Variants in WDR19 observed in about 807,000 individuals in gnomAD.
The protein encoded by WDR19 is WD repeat-containing protein 19.
A neutral mutation model predicts 180.0 loss-of-function variants in WDR19; 121 were observed. The ratio of observed to expected loss-of-function variants is 0.67; its 90% CI spans 0.58 to 0.78. The LOEUF is 0.78. Ranked by LOEUF, WDR19 falls within the 30% of genes least tolerant of loss-of-function variation. WDR19 has a pLI of 0.00. For synonymous variants in WDR19, 497 were observed against 540.7 expected (o/e 0.92, Z 1.12); for missense variants, 1,450 against 1,640.7 (o/e 0.88, Z 2.01).
Position 39,199,599 on chromosome 4 carries a change from A to C in WDR19, c.522+6A>C. 1.3e-6 allele frequency: 2 copies of C among 1,598,636 alleles called. No homozygotes were observed. The highest frequency in any genetic ancestry group is 2.7e-5 in the African/African-American group (2 of 74,732). ...AAGGTGACACGATAAGACAGGTAAT[A>C]CAGTAACGTCTCTTTGGTCTGATAT... On this transcript the variant is annotated splice_donor_region_variant and intron_variant, in intron 6 of 36. Transcript: ENST00000399820.
chr4:39,255,790 G>A, intron 26 of WDR19, 58 bp from the exon 27 acceptor site: 1 of 869,926 alleles, frequency 1.1e-6, no homozygotes, highest in Non-Finnish European at 1.7e-6. Context: ...TTTCAGGTTA[G>A]CAATAAAAGG....
intron 36 of WDR19, among the ~76,000 whole-genome samples, chr4:39,285,146 G>A (rs2062229): frequency 6.6e-6 from 1 of 151,644 alleles, no homozygotes; most frequent in Non-Finnish European, 1.5e-5. Context: ...GTTCACTGGC[G>A]TTTAGACAAA....
chr4:39,267,037 T>C (rs901320541), intron 29 of WDR19, among the ~76,000 whole-genome samples: 1 of 152,182 alleles, frequency 6.6e-6, no homozygotes, highest in African/African-American at 2.4e-5. Context: ...GAACCGAGAT[T>C]GTGCCACTGC....
chr4:39,270,149 C>T, intron 31 of WDR19, 49 bp downstream of exon 31: 2 of 1,603,890 alleles, frequency 1.2e-6, no homozygotes, highest in Non-Finnish European at 1.7e-6. Context: ...GTGTTTGTCC[C>T]CCATTGAGAT....
At position 39,199,595 on chromosome 4, in the gene WDR19, T is replaced by C; in HGVS notation, c.522+2T>C. 5 of 1,604,500 alleles carry C rather than the reference T, an allele frequency of 3.1e-6. No individual in the cohort carries two copies. The highest frequency in any genetic ancestry group is 4.3e-6 in the Non-Finnish European group (5 of 1,171,770). On this transcript the variant is annotated splice_donor_variant, in intron 6 of 36. Transcript: ENST00000399820. LOFTEE classifies it high-confidence loss of function. The stretch of plus-strand genomic sequence containing the variant: ...CAGGAAGGTGACACGATAAGACAGG[T>C]AATACAGTAACGTCTCTTTGGTCTG...
chr4:39,260,746 G>C (rs567561966), intron 28 of WDR19, among the ~76,000 whole-genome samples: 11 of 152,156 alleles, frequency 7.2e-5, no homozygotes, highest in Non-Finnish European at 1.5e-4. Flanking sequence ...CAGTAATTTG[G>C]TTCCTGATGA....
In WDR19 at chr4:39,186,587, T is replaced by G. The variant is rs187932771; in HGVS notation, c.147T>G (p.Ser49Arg). The change falls in exon 3 of 37, where the codon AGT (serine) becomes AGG (arginine). Residue 49 changes from serine to arginine, a missense_variant. Ser to Arg is a moderately radical substitution (Grantham distance 110). Coordinates refer to ENST00000399820, the MANE Select transcript of WDR19 (RefSeq NM_025132.4). ...TTGATCGCCATGGTCAAAAAAGAAGTGAAATTAACTTACCTGGGTAAGTAC... is the reference window on the plus strand; with the variant it reads ...TTGATCGCCATGGTCAAAAAAGAAGGGAAATTAACTTACCTGGGTAAGTAC... ...KIFDRHGQKR[S>R]EINLPGNCVA... The G allele has an allele frequency of 6.3e-7, 1 of 1,579,742 alleles. No individual in the cohort carries two copies. The highest frequency in any genetic ancestry group is 1.8e-5 in the Admixed American group (1 of 55,252).
intron 4 of WDR19, among the ~76,000 whole-genome samples, chr4:39,191,876 T>C (rs892668959): frequency 6.6e-6 from 1 of 152,216 alleles, no homozygotes; most frequent in South Asian, 2.1e-4. Context: ...TAGCATGATA[T>C]ATTCTTTAAA....
intron 20 of WDR19, among the ~76,000 whole-genome samples, chr4:39,239,773 C>T (rs915272661): frequency 2.0e-5 from 3 of 152,154 alleles, no homozygotes; most frequent in Non-Finnish European, 4.4e-5. Context: ...AAAATAGCAA[C>T]ATAATGACAG....
At chr4:39,235,874 A>G (rs1731324711) in intron 20 of WDR19, among the ~76,000 whole-genome samples, 6 of 152,216 alleles carry the variant, frequency 3.9e-5, no homozygotes. Flanking sequence ...CAACAAAAAT[A>G]TGAAAAAATG....
chr4:39,198,560 C>CA (rs952175243), intron 5 of WDR19, among the ~76,000 whole-genome samples: 28 of 145,042 alleles, frequency 1.9e-4, no homozygotes, highest in Middle Eastern at 4.2e-3. Context: ...GACTCCGTCT[C>CA]AAAAAAAAAG....
chr4:39,228,820 TAAA>T, intron 17 of WDR19, 130 bp downstream of exon 17: 1 of 978,674 alleles, frequency 1.0e-6, no homozygotes, highest in Non-Finnish European at 1.4e-6. Flanking sequence ...TTTTTTTTTG[TAAA>T]TGTAGAAGTA....
chr4:39,265,498 G>A (rs150170515), intron 28 of WDR19, among the ~76,000 whole-genome samples: 24 of 152,074 alleles, frequency 1.6e-4, no homozygotes, highest in African/African-American at 5.5e-4. Flanking sequence ...CAAGGGCCAG[G>A]CACAGTGGCT....
intron 36 of WDR19, among the ~76,000 whole-genome samples, chr4:39,281,704 A>T (rs1736558563): frequency 6.6e-6 from 1 of 152,154 alleles, no homozygotes; most frequent in African/African-American, 2.4e-5. Flanking sequence ...AACAACACAC[A>T]TTTATTATCT....
chr4:39,194,954 C>T (rs1032898905), intron 5 of WDR19, among the ~76,000 whole-genome samples: 7 of 152,112 alleles, frequency 4.6e-5, no homozygotes, highest in East Asian at 3.9e-4. Context: ...TACCTCTGGA[C>T]GAGGAATAGC....
In WDR19 at chr4:39,198,277, G is replaced by T. The variant is rs114680827; in HGVS notation, c.407-1201G>T. 5.5e-3 allele frequency among the ~76,000 whole-genome samples: 840 copies of T among 152,244 alleles called. 13 individuals carry two copies. Among genetic ancestry groups the T allele is most frequent in the African/African-American group, 0.019 (795 of 41,550 alleles). ...AATTTACTTCTCTTAAGACATTAAC[G>T]GCCGGGAGTGGTGGCTCACGCCTGT... On this transcript the variant is annotated intron_variant, in intron 5 of 36. Coordinates refer to ENST00000399820, the MANE Select transcript of WDR19 (RefSeq NM_025132.4).
chr4:39,283,542 T>C (rs769831709), intron 36 of WDR19, among the ~76,000 whole-genome samples: 24 of 152,294 alleles, frequency 1.6e-4, no homozygotes, highest in Admixed American at 2.6e-4. Context: ...GATTCTTCTA[T>C]TGACTTTTTA....
chr4:39,274,625 A>C, intron 32 of WDR19, 183 bp from the exon 33 acceptor site: 4 of 634,100 alleles, frequency 6.3e-6, no homozygotes, highest in Admixed American at 3.0e-5. Flanking sequence ...CTTGATGGGC[A>C]GTTAGCCTGA....
At position 39,195,185 on chromosome 4, in the gene WDR19, G is replaced by A. The variant is rs920824781; in HGVS notation, c.406+526G>A. ...GTTCAAGACCAGCCTGGCCAAGATA[G>A]TGAAACCCCATCTCTACTAAAAATA... On this transcript the variant is annotated intron_variant, in intron 5 of 36. Coordinates refer to ENST00000399820, the MANE Select transcript of WDR19 (RefSeq NM_025132.4). Among the ~76,000 whole-genome samples, 3 of 151,998 alleles carry A rather than the reference G, an allele frequency of 2.0e-5. No individual in the cohort carries two copies. In the South Asian group the frequency reaches 6.3e-4, roughly 32 times the overall value.
Sources: gnomAD v4.1 joint callset for allele counts (sites outside exome capture counted in the v4.1 genomes callset) on GRCh38, gnomAD v4.1.1 for gene constraint, MANE v1.5 for transcripts, NCBI Gene and HGNC (gene_info 2026-07-23, HGNC 2026-07-21) for gene names.